Variants in TMEM67 observed in about 807,000 individuals in gnomAD.
TMEM67 encodes meckelin.
TMEM67 carries 124 observed loss-of-function variants against 136.6 expected under a neutral mutation model. The observed-to-expected ratio is 0.91, with a 90% CI of 0.78 to 1.05. The LOEUF (loss-of-function observed/expected upper bound fraction) is 1.05. Ranked by LOEUF, TMEM67 falls within the 50% of genes least tolerant of loss-of-function variation. The pLI is 0.00. For synonymous variants in TMEM67, 364 were observed against 390.5 expected, an observed-to-expected ratio of 0.93 and a Z score of 0.80; for missense variants, 1,107 against 1,178.4, an observed-to-expected ratio of 0.94 and a Z score of 0.89.
At chr8:93,827,051 AAACTCCTGAC>A in the TMEM67 span, among the ~76,000 whole-genome samples, 1 of 152,006 alleles carries the variant, frequency 6.6e-6, no homozygotes, top group Admixed American at 6.6e-5. Flanking sequence ...GGCTGGTCTC[AAACTCCTGAC>A]CTCAGGTGAT....
At chr8:93,758,367 A>G in intron 2 of TMEM67, 116 bp from the exon 3 acceptor site, 1 of 751,122 alleles carries the variant, frequency 1.3e-6, no homozygotes, top group South Asian at 1.7e-5. Flanking sequence ...TCATATATGT[A>G]TGATTTATTT....
chr8:93,782,571 G>GA, intron 11 of TMEM67, 111 bp downstream of exon 11: 1 of 463,890 alleles, frequency 2.2e-6, no homozygotes, highest in Non-Finnish European at 3.7e-6. Flanking sequence ...TTTATTCTTG[G>GA]TTTTTTTTTT....
chr8:93,800,367 A>G (rs1814819699), intron 21 of TMEM67, among the ~76,000 whole-genome samples: 1 of 152,182 alleles, frequency 6.6e-6, no homozygotes, highest in African/African-American at 2.4e-5. Context: ...TTGAGAGTAG[A>G]AAATACAGTG....
chr8:93,789,180 C>A (rs1484138131), intron 14 of TMEM67, among the ~76,000 whole-genome samples: 3 of 152,114 alleles, frequency 2.0e-5, no homozygotes, highest in Admixed American at 1.3e-4. Context: ...GTGCTTTTGG[C>A]CTCTCTGTTG....
chr8:93,828,330 T>C, the TMEM67 span, among the ~76,000 whole-genome samples: 2 of 152,144 alleles, frequency 1.3e-5, no homozygotes, highest in Non-Finnish European at 2.9e-5. Context: ...ACCATCATCA[T>C]CATCACCCCC....
intron 21 of TMEM67, among the ~76,000 whole-genome samples, chr8:93,801,391 C>T (rs1047689150): frequency 5.3e-5 from 8 of 151,128 alleles, no homozygotes; most frequent in African/African-American, 1.9e-4. Flanking sequence ...CATGCCACCA[C>T]ACCCAGCAAT....
At chr8:93,755,751 C>CTTTTT (rs587779735) in intron 1 of TMEM67, 27 bp from the exon 2 acceptor site, 370 of 632,934 alleles carry the variant, frequency 5.8e-4, no homozygotes, top group South Asian at 1.7e-3. Flanking sequence ...ATAAAATTGG[C>CTTTTT]TTTTTTTTTT....
intron 14 of TMEM67, among the ~76,000 whole-genome samples, chr8:93,790,152 A>T (rs552205044): frequency 7.4e-4 from 112 of 152,284 alleles, no homozygotes; most frequent in Non-Finnish European, 1.2e-3. Flanking sequence ...CAATTCTTTC[A>T]TCATTTCTTA....
intron 26 of TMEM67, among the ~76,000 whole-genome samples, chr8:93,812,162 A>G (rs1808727983): frequency 6.6e-6 from 1 of 151,808 alleles, no homozygotes; most frequent in Admixed American, 6.6e-5. Context: ...AAAAAAAAAA[A>G]AAAGTAAAGA....
chr8:93,792,259 C>T (rs1300506671), intron 15 of TMEM67, among the ~76,000 whole-genome samples: 2 of 151,940 alleles, frequency 1.3e-5, no homozygotes, highest in African/African-American at 4.8e-5. Context: ...GCAACCTTCA[C>T]CTAGCTGGTT....
At chr8:93,795,678 C>T (rs983173851) in intron 17 of TMEM67, among the ~76,000 whole-genome samples, 171 bp downstream of exon 17, 2 of 152,120 alleles carry the variant, frequency 1.3e-5, no homozygotes, top group African/African-American at 4.8e-5. Flanking sequence ...TCACTATCTT[C>T]CTCTTTTATG....
chr8:93,796,984 T>G, intron 18 of TMEM67, 150 bp from the exon 19 acceptor site: 1 of 638,336 alleles, frequency 1.6e-6, no homozygotes. Context: ...TTCTAATGAT[T>G]CCTTAGTGGT....
chr8:93,827,106 C>T, the TMEM67 span, among the ~76,000 whole-genome samples: 1 of 152,214 alleles, frequency 6.6e-6, no homozygotes, highest in African/African-American at 2.4e-5. Context: ...GCTGGGATTA[C>T]AGACGTGAGC....
At chr8:93,805,852 A>G (rs1563479017) in intron 23 of TMEM67, among the ~76,000 whole-genome samples, 1 of 152,230 alleles carries the variant, frequency 6.6e-6, no homozygotes, top group Non-Finnish European at 1.5e-5. Flanking sequence ...TTGACAGGGA[A>G]CTTTATAATG....
At chr8:93,806,001 A>G (rs916967931) in intron 23 of TMEM67, among the ~76,000 whole-genome samples, 1 of 152,236 alleles carries the variant, frequency 6.6e-6, no homozygotes, top group Non-Finnish European at 1.5e-5. Flanking sequence ...GAATCTGAGT[A>G]TAATCAACCC....
chr8:93,818,326 A>G (rs528098602), downstream of TMEM67, among the ~76,000 whole-genome samples: 1 of 152,352 alleles, frequency 6.6e-6, no homozygotes, highest in South Asian at 2.1e-4. Flanking sequence ...GAGGTTCTTT[A>G]TAAGCTGTTG....
chr8:93,780,932 C>T lies in TMEM67; in HGVS notation c.928C>T (p.Leu310Phe). 6.2e-7 allele frequency: 1 copy of T among 1,612,300 alleles called. No individual in the cohort carries two copies. Among genetic ancestry groups the T allele is most frequent in the Non-Finnish European group, 8.5e-7 (1 of 1,179,764 alleles). The change falls in exon 9 of 28, where the codon CTC (leucine) becomes TTC (phenylalanine). Residue 310 changes from leucine (L) to phenylalanine (F), a missense_variant. Physicochemically the swap from Leu to Phe is conservative, Grantham distance 22. Around this residue, in one of 3 missense-constraint regions of TMEM67, gnomAD observed 925 missense variants for 1,002.4 expected, o/e 0.92. Transcript: ENST00000453321. The stretch of plus-strand genomic sequence containing the variant: ...CCAGTTAGGATTAGCACCTCAAGTG[C>T]TCAGTTCTACCTCTCTTCCTACAAA... ...GDQLGLAPQV[L>F]SSTSLPTNFS...
the TMEM67 span, among the ~76,000 whole-genome samples, chr8:93,829,194 C>T: frequency 6.6e-6 from 1 of 152,254 alleles, no homozygotes; most frequent in East Asian, 1.9e-4. Context: ...ACCTGTCGGT[C>T]GCACTTTCCA....
downstream of TMEM67, chr8:93,819,090 A>G: frequency 2.2e-6 from 1 of 453,378 alleles, no homozygotes; most frequent in South Asian, 1.6e-5. Context: ...GGTGTCAGCC[A>G]CTACACATGG....
Sources: allele counts gnomAD v4.1 joint callset (sites outside exome capture counted in the v4.1 genomes callset), GRCh38; gene constraint gnomAD v4.1.1; regional missense constraint gnomAD v4.1.1; transcripts MANE v1.5; gene names NCBI Gene and HGNC (gene_info 2026-07-23, HGNC 2026-07-21).